Variants in TRAIP observed in about 807,000 individuals in gnomAD.
The protein encoded by TRAIP is E3 ubiquitin-protein ligase TRAIP.
Under a neutral mutation model 65.0 loss-of-function variants are expected in TRAIP, and 37 were observed. The observed-to-expected ratio is 0.57, with a 90% CI of 0.44 to 0.75. The LOEUF is 0.75. Ranked by LOEUF, TRAIP falls within the 30% of genes least tolerant of loss-of-function variation. The probability of loss-of-function intolerance (pLI) is 0.00; values close to 1 mark genes in which losing one functional copy is unlikely to be tolerated. For missense variants in TRAIP, 481 were observed against 579.4 expected (o/e 0.83, Z 1.74); for synonymous variants, 187 against 219.1 (o/e 0.85, Z 1.29).
In TRAIP at chr3:49,840,198, G is replaced by A; in HGVS notation, c.795+86C>T. ...CCAGAACCACCACTGACTGGTGCAA[G>A]GGTCCTGGGCAGAGATAGCCCAGCC... On this transcript the variant is annotated intron_variant, in intron 9 of 14. Transcript: ENST00000331456. 4 of 1,236,842 alleles carry A rather than the reference G, an allele frequency of 3.2e-6. No individual in the cohort carries two copies. The South Asian group carries it at 5.0e-5, about 15-fold the overall frequency. The allele number at this position is 1,236,842 out of a possible 1,614,324, so 76.6% of individuals were successfully genotyped here.
chr3:49,845,210 C>T (rs953360721), intron 3 of TRAIP, among the ~76,000 whole-genome samples: 13 of 152,316 alleles, frequency 8.5e-5, no homozygotes, highest in African/African-American at 2.9e-4. Context: ...AAAGCCCCTG[C>T]AAATGTTTCA....
intron 10 of TRAIP, among the ~76,000 whole-genome samples, chr3:49,836,811 A>G (rs576419361): frequency 6.6e-6 from 1 of 151,940 alleles, no homozygotes; most frequent in East Asian, 1.9e-4. Flanking sequence ...CTTCTTCATC[A>G]CCCTCTCCCC....
chr3:49,847,424 G>A (rs1011790438), intron 3 of TRAIP, 101 bp downstream of exon 3: 8 of 527,462 alleles, frequency 1.5e-5, no homozygotes, highest in East Asian at 2.6e-5. Context: ...AGAGAAAAGA[G>A]AAGAGAAGAG....
chr3:49,832,842 G>C (rs1007670232), intron 10 of TRAIP, among the ~76,000 whole-genome samples: 1 of 151,806 alleles, frequency 6.6e-6, no homozygotes, highest in Non-Finnish European at 1.5e-5. Context: ...AATGGCAAGG[G>C]TAGCTCCAAA....
At chr3:49,837,976 T>C (rs1218819190) in intron 10 of TRAIP, among the ~76,000 whole-genome samples, 1 of 152,018 alleles carries the variant, frequency 6.6e-6, no homozygotes, top group Admixed American at 6.6e-5. Context: ...GCTCAAGTGA[T>C]CCTCCTGCCT....
rs983487952 is a variant in TRAIP at position 49,842,381 on chromosome 3, C to T, written c.503+72G>A. 14 of 1,454,230 alleles carry T rather than the reference C, an allele frequency of 9.6e-6. No homozygotes were observed. In the East Asian group the frequency reaches 2.3e-4, roughly 24 times the overall value. The allele number at this position is 1,454,230 out of a possible 1,614,324, so 90.1% of individuals were successfully genotyped here. On this transcript the variant is annotated intron_variant, in intron 6 of 14. Transcript: ENST00000331456. Reference sequence around the variant, plus strand: ...CATGACCCAATCCCACTCCCTGCTGCAGTCCTAAGAACTGTACCACTTGCA... The same window carrying T: ...CATGACCCAATCCCACTCCCTGCTGTAGTCCTAAGAACTGTACCACTTGCA...
At chr3:49,840,494 A>G in intron 8 of TRAIP, 121 bp from the exon 9 acceptor site, 1 of 775,904 alleles carries the variant, frequency 1.3e-6, no homozygotes, top group East Asian at 2.6e-5. Context: ...ATGGGCAGAG[A>G]TCCCAGCTCT....
In TRAIP at chr3:49,854,902, C is replaced by CA. The variant is rs150825599; in HGVS notation, c.98+1453dup. Among the ~76,000 whole-genome samples, 615 of 131,698 alleles carry CA rather than the reference C, an allele frequency of 4.7e-3. 3 individuals are homozygous for CA. Among genetic ancestry groups the CA allele is most frequent in the Middle Eastern group, 0.027 (7 of 258 alleles). 86.4% of individuals were successfully genotyped at this position (131,698 alleles called of 152,430 possible). A position where few individuals can be genotyped will look rare whatever the true frequency, so the allele number is the denominator to read the frequency against. On this transcript the variant is annotated intron_variant, in intron 1 of 14. Coordinates refer to ENST00000331456, the MANE Select transcript of TRAIP (RefSeq NM_005879.3). ...CAAGACCCCATCTCTACTAAAAATA[C>CA]AAAAAAAAAAAAATAGTCAAGCATG...
rs745766141 is a variant in TRAIP, at chr3:49,841,087, T to C, written c.618-15A>G. The C allele has an allele frequency of 1.9e-6, 3 of 1,611,498 alleles. No individual in the cohort carries two copies. Among genetic ancestry groups the C allele is most frequent in the Non-Finnish European group, 1.7e-6 (2 of 1,177,644 alleles). The stretch of plus-strand genomic sequence containing the variant: ...TCTCGTACTCTCTGCAATGTGGCCA[T>C]GGAAAGAGATGCCAGAAAAGAACAC... On this transcript the variant is annotated splice_polypyrimidine_tract_variant and intron_variant, in intron 7 of 14. Coordinates refer to ENST00000331456, the MANE Select transcript of TRAIP (RefSeq NM_005879.3).
chr3:49,835,077 A>C (rs1225432800), intron 10 of TRAIP, among the ~76,000 whole-genome samples: 1 of 152,072 alleles, frequency 6.6e-6, no homozygotes, highest in African/African-American at 2.4e-5. Flanking sequence ...GCATTGTGGC[A>C]CATGCCTGTA....
In TRAIP at chr3:49,840,645, T is replaced by C. The variant is rs2271960; in HGVS notation, c.706-272A>G. Reference sequence around the variant, plus strand: ...GACCGAATCAGGTTCCAGGAGCCCTTCTACTCCAGATGTGGTACAAAAATA... The same window carrying C: ...GACCGAATCAGGTTCCAGGAGCCCTCCTACTCCAGATGTGGTACAAAAATA... On this transcript the variant is annotated intron_variant, in intron 8 of 14. Transcript: ENST00000331456. The C allele has an allele frequency of 0.44, 244,964 of 557,492 alleles. 56,284 individuals are homozygous for C. The highest frequency in any genetic ancestry group is 0.52 in the African/African-American group (27,521 of 53,186). The allele number at this position is 557,492 out of a possible 1,614,324, so 34.5% of individuals were successfully genotyped here.
At chr3:49,839,746 C>T (rs1313093395) in intron 10 of TRAIP, 26 bp downstream of exon 10, 2 of 1,606,168 alleles carry the variant, frequency 1.2e-6, no homozygotes, top group Non-Finnish European at 8.5e-7. Context: ...CCTTGTGACC[C>T]CTGTACCGCC....
intron 10 of TRAIP, among the ~76,000 whole-genome samples, chr3:49,833,566 G>A (rs2081754640): frequency 6.6e-6 from 1 of 150,948 alleles, no homozygotes; most frequent in South Asian, 2.1e-4. Flanking sequence ...TGCAAGCTCC[G>A]CCTTCCGGGT....
chr3:49,844,437 G>A (rs2081865963), intron 4 of TRAIP, 104 bp downstream of exon 4: 1 of 1,275,776 alleles, frequency 7.8e-7, no homozygotes. Flanking sequence ...AGCAGGGAAA[G>A]GCCCTGGCTC....
At chr3:49,837,670 C>A (rs1178707729) in intron 10 of TRAIP, among the ~76,000 whole-genome samples, 1 of 148,958 alleles carries the variant, frequency 6.7e-6, no homozygotes, top group Non-Finnish European at 1.5e-5. Context: ...CAACCTCTAC[C>A]TCCCAGGGTC....
At chr3:49,838,664 T>C (rs539616222) in intron 10 of TRAIP, among the ~76,000 whole-genome samples, 54 of 152,196 alleles carry the variant, frequency 3.5e-4, no homozygotes, top group South Asian at 1.7e-3. Context: ...AGTGGGCAGA[T>C]TGCTTGAGGT....
chr3:49,842,041 G>T, intron 6 of TRAIP, 102 bp from the exon 7 acceptor site: 1 of 921,392 alleles, frequency 1.1e-6, no homozygotes. Flanking sequence ...AAGGTAACAG[G>T]CTAGGCTGCC....
Position 49,839,952 on chromosome 3 carries a change from C to T in TRAIP, c.796-92G>A, listed in dbSNP as rs192558724. 6.1e-6 allele frequency: 8 copies of T among 1,321,086 alleles called. No homozygotes were observed. The East Asian group carries it at 1.9e-4, about 31-fold the overall frequency. The allele number at this position is 1,321,086 out of a possible 1,614,324, so 81.8% of individuals were successfully genotyped here. ...GACATGAGCAGCATGCATGAAAGGC[C>T]AGCCCACTGGGAACAGAGCAAGGCC... On this transcript the variant is annotated intron_variant, in intron 9 of 14. Coordinates refer to ENST00000331456, the MANE Select transcript of TRAIP (RefSeq NM_005879.3).
Position 49,848,151 on chromosome 3 carries a change from G to A in TRAIP, c.148C>T (p.Arg50Ter), listed in dbSNP as rs1233771175. The change falls in exon 2 of 15, where the codon CGA becomes TGA. Residue 50 changes from arginine (R) to a stop codon, truncating the protein, a stop_gained. Coordinates refer to ENST00000331456, the MANE Select transcript of TRAIP (RefSeq NM_005879.3). LOFTEE classifies it high-confidence loss of function. Reference sequence around the variant, plus strand: ...CACCCCAATACTCTCACCTGGATTCGGCACTGTGGGCAGGTCCGACTTGGT... The same window carrying A: ...CACCCCAATACTCTCACCTGGATTCAGCACTGTGGGCAGGTCCGACTTGGT... The part of the protein sequence containing the change: ...TAPSRTCPQC[R>*]IQVGKRTIIN... 2.5e-6 allele frequency: 4 copies of A among 1,614,002 alleles called. No homozygotes were observed. Among genetic ancestry groups the A allele is most frequent in the Non-Finnish European group, 3.4e-6 (4 of 1,180,026 alleles).
Sources: gnomAD v4.1 joint callset for allele counts (sites outside exome capture counted in the v4.1 genomes callset) on GRCh38, gnomAD v4.1.1 for gene constraint, MANE v1.5 for transcripts, NCBI Gene and HGNC (gene_info 2026-07-23, HGNC 2026-07-21) for gene names.